The following KLHDC4 variants were observed in gnomAD, a reference collection of about 807,000 sequenced individuals.
KLHDC4 encodes the protein kelch domain containing 4.
KLHDC4 carries 90 observed loss-of-function variants against 62.4 expected under a neutral mutation model. That is an observed-to-expected ratio of 1.44 (90% CI 1.22 to 1.72). KLHDC4 has a LOEUF of 1.72. Ranked by LOEUF, KLHDC4 falls within the 40% of genes most tolerant of loss-of-function variation. KLHDC4 has a pLI of 0.00. For synonymous variants in KLHDC4, 386 were observed against 284.4 expected (o/e 1.36, Z -3.59); for missense variants, 1,025 against 699.7 (o/e 1.47, Z -5.25).
rs771334868 is a variant in KLHDC4, at chr16:87,756,427, A to G, written c.242T>C (p.Phe81Ser). 4 of 1,613,938 alleles carry G rather than the reference A, an allele frequency of 2.5e-6. No homozygotes were observed. The highest frequency in any genetic ancestry group is 2.2e-5 in the East Asian group (1 of 44,894). ...TTGGCCGTTGAAATATTCACCTCCA[A>G]AAAGGATTAACTCATCTTTCTCAGG... Reference protein sequence around the residue: ...VHPEKDELILFGGEYFNGQKT... With the variant: ...VHPEKDELILSGGEYFNGQKT... The change falls in exon 3 of 12, where the codon TTT (phenylalanine) becomes TCT (serine). Residue 81 changes from phenylalanine (F) to serine (S), a missense_variant. Physicochemically the swap from Phe to Ser is radical, Grantham distance 155 (BLOSUM62 -2). Coordinates refer to ENST00000270583, the MANE Select transcript of KLHDC4 (RefSeq NM_017566.4).
chr16:87,702,880 T>G (rs1199061030), downstream of KLHDC4: 2 of 152,704 alleles, frequency 1.3e-5, no homozygotes, highest in African/African-American at 2.4e-5. Context: ...TTTAAAAAGT[T>G]ACCCTGAGCC....
At position 87,727,291 on chromosome 16, in the gene KLHDC4, C is replaced by G. The variant is rs540120569; in HGVS notation, c.600-367G>C. Among the ~76,000 whole-genome samples, 5 of 152,360 alleles carry G rather than the reference C, an allele frequency of 3.3e-5. No individual in the cohort carries two copies. The South Asian group carries it at 8.3e-4, about 25-fold the overall frequency. On this transcript the variant is annotated intron_variant, in intron 6 of 11. Transcript: ENST00000270583. ...GCCCACAGAGGCAGAGGAATTTAAT[C>G]TGAAAGCCATACTGCGTTTTCTTAC... is the stretch of plus-strand genomic sequence containing the variant.
At chr16:87,723,150 AC>A (rs2038741189) in intron 7 of KLHDC4, among the ~76,000 whole-genome samples, 1 of 152,248 alleles carries the variant, frequency 6.6e-6, no homozygotes, top group Non-Finnish European at 1.5e-5. Flanking sequence ...CAGTTCGTGC[AC>A]ACTGCCGCTT....
chr16:87,741,177 G>A (rs1408472017), intron 5 of KLHDC4, among the ~76,000 whole-genome samples: 1 of 152,316 alleles, frequency 6.6e-6, no homozygotes, highest in East Asian at 1.9e-4. Flanking sequence ...AAGACAATGA[G>A]AGACTGTTAA....
intron 8 of KLHDC4, among the ~76,000 whole-genome samples, chr16:87,712,938 G>T (rs2036186901): frequency 6.6e-6 from 1 of 152,216 alleles, no homozygotes. Context: ...TAACGGCACT[G>T]GGGACGCTAA....
At chr16:87,744,107 T>G (rs555511822) in intron 5 of KLHDC4, among the ~76,000 whole-genome samples, 1 of 152,022 alleles carries the variant, frequency 6.6e-6, no homozygotes, top group South Asian at 2.1e-4. Context: ...GGTGAAACCC[T>G]GTCTCTACTA....
At chr16:87,730,724 C>T in intron 5 of KLHDC4, 80 bp from the exon 6 acceptor site, 1 of 1,164,120 alleles carries the variant, frequency 8.6e-7, no homozygotes, top group Non-Finnish European at 1.3e-6. Flanking sequence ...CAAACAAAAT[C>T]CAATTTTTAC....
At chr16:87,758,259 C>T (rs1384432372) in intron 2 of KLHDC4, among the ~76,000 whole-genome samples, 1 of 152,204 alleles carries the variant, frequency 6.6e-6, no homozygotes, top group East Asian at 1.9e-4. Context: ...TACCTGTATG[C>T]AATGCTCGTT....
At chr16:87,728,251 C>T (rs750429997) in intron 6 of KLHDC4, among the ~76,000 whole-genome samples, 3 of 152,194 alleles carry the variant, frequency 2.0e-5, no homozygotes, top group Non-Finnish European at 4.4e-5. Context: ...ACATCCTTCG[C>T]AGGACGATGG....
At chr16:87,754,895 C>G (rs577711262) in intron 4 of KLHDC4, among the ~76,000 whole-genome samples, 7 of 152,186 alleles carry the variant, frequency 4.6e-5, no homozygotes, top group Non-Finnish European at 7.3e-5. Context: ...TAGTCCAGAC[C>G]GTGGGCCTAG....
chr16:87,748,640 G>A (rs1010685746), intron 5 of KLHDC4, 33 bp downstream of exon 5: 2 of 1,613,202 alleles, frequency 1.2e-6, no homozygotes, highest in Admixed American at 3.3e-5. Context: ...GAAGAGCCAT[G>A]CCCGGAGCTC....
At chr16:87,723,336 G>C (rs1425798950) in intron 7 of KLHDC4, among the ~76,000 whole-genome samples, 1 of 152,248 alleles carries the variant, frequency 6.6e-6, no homozygotes, top group Non-Finnish European at 1.5e-5. Context: ...ACTGAACTAA[G>C]TGGATTGAGA....
chr16:87,702,187 G>A (rs1162514481), exon 14 of KLHDC4: 1 of 456,222 alleles, frequency 2.2e-6, no homozygotes, highest in Non-Finnish European at 4.4e-6. Flanking sequence ...CACCAACCTT[G>A]ACAACCCAAG....
intron 4 of KLHDC4, among the ~76,000 whole-genome samples, chr16:87,750,706 C>T (rs1268715994): frequency 6.6e-6 from 1 of 152,214 alleles, no homozygotes; most frequent in Admixed American, 6.5e-5. Flanking sequence ...GTTCCGCCCG[C>T]CCGCACATAG....
At chr16:87,761,484 G>C (rs1293613378) in intron 2 of KLHDC4, among the ~76,000 whole-genome samples, 1 of 152,126 alleles carries the variant, frequency 6.6e-6, no homozygotes, top group African/African-American at 2.4e-5. Flanking sequence ...TACAGACTCG[G>C]AACGTTTTTA....
intron 4 of KLHDC4, among the ~76,000 whole-genome samples, chr16:87,751,840 G>A (rs566766321): frequency 3.9e-5 from 6 of 152,200 alleles, no homozygotes; most frequent in Non-Finnish European, 2.9e-5. Flanking sequence ...TTGGGAGGCC[G>A]AGGCGGGCGG....
Position 87,724,336 on chromosome 16 carries a change from G to A in KLHDC4, c.759+2429C>T, listed in dbSNP as rs551956438. On this transcript the variant is annotated intron_variant, in intron 7 of 11. Transcript: ENST00000270583. Reference sequence around the variant, plus strand: ...CTAAACAAGGTCTTCCTGTATCACAGACCGCAATAATCACAAAAGAAAAAC... The same window carrying A: ...CTAAACAAGGTCTTCCTGTATCACAAACCGCAATAATCACAAAAGAAAAAC... Among the ~76,000 whole-genome samples the A allele has an allele frequency of 2.0e-5, 3 of 152,236 alleles. No individual in the cohort carries two copies. In the East Asian group the frequency reaches 5.8e-4, roughly 29 times the overall value.
At chr16:87,709,237 C>T (rs1288208557) in intron 10 of KLHDC4, 28 bp downstream of exon 10, 8 of 1,592,282 alleles carry the variant, frequency 5.0e-6, no homozygotes, top group Non-Finnish European at 6.8e-6. Flanking sequence ...CGCTCCCGGG[C>T]ACGGAGGCAC....
At chr16:87,725,926 T>C (rs951408506) in intron 7 of KLHDC4, among the ~76,000 whole-genome samples, 4 of 152,098 alleles carry the variant, frequency 2.6e-5, no homozygotes, top group Admixed American at 6.5e-5. Context: ...TACACAGTAG[T>C]GAGCGTCCAT....
Sources: gnomAD v4.1 joint callset for allele counts (sites outside exome capture counted in the v4.1 genomes callset) on GRCh38, gnomAD v4.1.1 for gene constraint, MANE v1.5 for transcripts, NCBI Gene and HGNC (gene_info 2026-07-23, HGNC 2026-07-21) for gene names.